Variants in CLASP1 observed in about 807,000 individuals in gnomAD.
CLASP1 encodes CLIP-associating protein 1.
A neutral mutation model predicts 192.3 loss-of-function variants in CLASP1; 38 were observed. That is an observed-to-expected ratio of 0.20 (90% CI 0.15 to 0.26). CLASP1 has a LOEUF of 0.26. CLASP1 is among the 10% of genes least tolerant of loss of function. The probability of loss-of-function intolerance (pLI) is 1.00; values close to 1 mark genes in which losing one functional copy is unlikely to be tolerated. For synonymous variants in CLASP1, 691 were observed against 712.8 expected (o/e 0.97, Z 0.49); for missense variants, 1,433 against 1,932.5 (o/e 0.74, Z 4.85).
At chr2:121,448,494 A>T (rs1222279187) in intron 17 of CLASP1, among the ~76,000 whole-genome samples, 169 bp from the exon 18 acceptor site, 1 of 152,252 alleles carries the variant, frequency 6.6e-6, no homozygotes, top group Non-Finnish European at 1.5e-5. Flanking sequence ...ACGAAGCTTT[A>T]GCAATCTATT....
chr2:121,406,999 C>T lies in CLASP1; in HGVS notation c.2669+472G>A, dbSNP rs148820310. On this transcript the variant is annotated intron_variant, in intron 25 of 39. Transcript: ENST00000263710. ...TTGGGGGGCAAAGGCAGCCAGATCA[C>T]GAGGTCAGGAGTTCAAGACCAGCTT... Among the ~76,000 whole-genome samples, 101 of 152,186 alleles carry T rather than the reference C, an allele frequency of 6.6e-4. 1 individual carries two copies. The East Asian group carries it at 0.017, about 26-fold the overall frequency.
At chr2:121,581,858 C>A (rs1360067193) in intron 2 of CLASP1, among the ~76,000 whole-genome samples, 1 of 152,206 alleles carries the variant, frequency 6.6e-6, no homozygotes, top group Non-Finnish European at 1.5e-5. Flanking sequence ...GCACTCCCAA[C>A]TGGACGACAA....
intron 2 of CLASP1, among the ~76,000 whole-genome samples, chr2:121,541,825 G>A (rs2095240993): frequency 6.6e-6 from 1 of 152,132 alleles, no homozygotes; most frequent in African/African-American, 2.4e-5. Context: ...GGCTAACGAA[G>A]TTTTAACAAA....
intron 19 of CLASP1, among the ~76,000 whole-genome samples, chr2:121,433,247 G>A (rs930477820): frequency 5.9e-5 from 9 of 151,812 alleles, no homozygotes; most frequent in East Asian, 1.9e-4. Flanking sequence ...TCTCGAAACC[G>A]GGGCGGAGGT....
At chr2:121,367,556 G>C (rs1401900854) in intron 35 of CLASP1, 32 bp downstream of exon 36, 1 of 1,613,224 alleles carries the variant, frequency 6.2e-7, no homozygotes, top group Non-Finnish European at 8.5e-7. Context: ...AAGCACTTCT[G>C]GGTGGGGACA....
At chr2:121,490,532 G>GCCTTCTCCATCCA (rs2093247540) in intron 8 of CLASP1, among the ~76,000 whole-genome samples, 1 of 152,194 alleles carries the variant, frequency 6.6e-6, no homozygotes, top group Admixed American at 6.5e-5. Flanking sequence ...TCATTTAAGA[G>GCCTTCTCCATCCA]AGTCTTCTTT....
intron 26 of CLASP1, chr2:121,403,492 C>T: frequency 2.2e-6 from 1 of 456,738 alleles, no homozygotes; most frequent in South Asian, 1.5e-5. Context: ...TTCTTTCTTC[C>T]AGCAAGACTT....
At chr2:121,538,768 G>C (rs1463468231) in intron 2 of CLASP1, among the ~76,000 whole-genome samples, 2 of 149,282 alleles carry the variant, frequency 1.3e-5, no homozygotes, top group African/African-American at 2.5e-5. Context: ...CTGGGCGACA[G>C]AGCAAGACTC....
chr2:121,483,826 T>C (rs1465912907), intron 8 of CLASP1, among the ~76,000 whole-genome samples: 1 of 152,228 alleles, frequency 6.6e-6, no homozygotes, highest in Non-Finnish European at 1.5e-5. Context: ...TACATAATTA[T>C]AAAGAATTAA....
intron 24 of CLASP1, among the ~76,000 whole-genome samples, chr2:121,409,564 G>A (rs1413294633): frequency 1.3e-5 from 2 of 152,144 alleles, no homozygotes; most frequent in African/African-American, 2.4e-5. Flanking sequence ...GTCCTATTCC[G>A]CCTCCTAGAA....
chr2:121,455,594 C>T (rs1221910095), intron 14 of CLASP1, among the ~76,000 whole-genome samples: 3 of 152,144 alleles, frequency 2.0e-5, no homozygotes, highest in Non-Finnish European at 4.4e-5. Flanking sequence ...AGTGTGGAAT[C>T]CAAAAAAGTC....
At chr2:121,458,717 A>C (rs1182328928) in intron 13 of CLASP1, 123 bp downstream of exon 13, 11 of 732,700 alleles carry the variant, frequency 1.5e-5, no homozygotes, top group Non-Finnish European at 2.2e-5. Flanking sequence ...CAAAATTCCA[A>C]TATAATTATG....
exon 23 of CLASP1, chr2:121,418,657 C>G: frequency 6.2e-7 from 1 of 1,613,900 alleles, no homozygotes; most frequent in East Asian, 2.2e-5. Flanking sequence ...GCTTGTATCT[C>G]GGCTGCTCTC....
At chr2:121,505,753 T>C (rs562840362) in intron 7 of CLASP1, among the ~76,000 whole-genome samples, 1 of 152,346 alleles carries the variant, frequency 6.6e-6, no homozygotes, top group Non-Finnish European at 1.5e-5. Context: ...AACCACCATC[T>C]TCCTCTATTT....
intron 1 of CLASP1, among the ~76,000 whole-genome samples, chr2:121,648,013 T>C (rs371479278): frequency 6.6e-5 from 10 of 152,184 alleles, no homozygotes; most frequent in African/African-American, 2.2e-4. Flanking sequence ...GATAACCAGA[T>C]CATCAAAATT....
In CLASP1 at chr2:121,606,152, T is replaced by A. The variant is rs2064381444; in HGVS notation, c.-257A>T. 2.0e-6 allele frequency: 1 copy of A among 495,686 alleles called. No individual in the cohort carries two copies. The highest frequency in any genetic ancestry group is 3.6e-6 in the Non-Finnish European group (1 of 281,128). 30.7% of individuals were successfully genotyped at this position (495,686 alleles called of 1,614,324 possible). ...CAGAGTGATGTTCTACTACTGGGTC[T>A]GAAATACTTCATAATTCAGCAGTCC... On this transcript the variant is annotated 5_prime_UTR_variant, in exon 2 of 40. An upstream open reading frame in the 5' UTR gains an earlier in-frame stop. Transcript: ENST00000263710.
intron 7 of CLASP1, among the ~76,000 whole-genome samples, chr2:121,510,347 T>C (rs1023584812): frequency 3.9e-5 from 6 of 152,048 alleles, no homozygotes; most frequent in African/African-American, 9.7e-5. Context: ...AATAAGAACC[T>C]TGAAAGGGAA....
intron 7 of CLASP1, among the ~76,000 whole-genome samples, chr2:121,506,504 G>A (rs527314744): frequency 2.6e-5 from 4 of 152,104 alleles, no homozygotes; most frequent in Admixed American, 6.5e-5. Flanking sequence ...AAAAAAAGGT[G>A]GGGGGAAGGA....
chr2:121,637,596 A>AT (rs1273426536), intron 1 of CLASP1, among the ~76,000 whole-genome samples: 2 of 152,192 alleles, frequency 1.3e-5, no homozygotes, highest in Non-Finnish European at 2.9e-5. Context: ...TTAAAAAAAA[A>AT]TTTAGGCTGG....
Sources: gnomAD v4.1 joint callset for allele counts (sites outside exome capture counted in the v4.1 genomes callset) on GRCh38, gnomAD v4.1.1 for gene constraint, MANE v1.5 for transcripts, NCBI Gene and HGNC (gene_info 2026-07-23, HGNC 2026-07-21) for gene names.